Variants in TTLL8 observed in about 807,000 individuals in gnomAD.
The protein encoded by TTLL8 is tubulin tyrosine ligase like 8, also known as protein monoglycylase TTLL8.
TTLL8 carries 65 observed loss-of-function variants against 77.8 expected under a neutral mutation model. The observed-to-expected ratio is 0.84, with a 90% CI of 0.68 to 1.03. TTLL8 has a LOEUF of 1.03. Ranked by LOEUF, TTLL8 falls within the 50% of genes least tolerant of loss-of-function variation. The pLI is 0.00. For synonymous variants in TTLL8, 402 were observed against 422.8 expected, an observed-to-expected ratio of 0.95 and a Z score of 0.60; for missense variants, 910 against 1,004.5, an observed-to-expected ratio of 0.91 and a Z score of 1.27.
exon 12 of TTLL8, chr22:50,030,542 G>C (rs947501068): frequency 7.6e-7 from 1 of 1,323,066 alleles, no homozygotes; most frequent in Non-Finnish European, 1.0e-6. Flanking sequence ...TGGCGGGCTG[G>C]GCTACGGGGA....
chr22:50,043,306 G>T (rs529728465), intron 6 of TTLL8, among the ~76,000 whole-genome samples: 5 of 150,408 alleles, frequency 3.3e-5, no homozygotes, highest in Admixed American at 6.6e-5. Flanking sequence ...CAGTGGTGCC[G>T]ACATGTTCTT....
chr22:50,040,640 C>T (rs2061364987), intron 8 of TTLL8, among the ~76,000 whole-genome samples: 2 of 152,330 alleles, frequency 1.3e-5, no homozygotes, highest in South Asian at 4.1e-4. Context: ...TATGATTATA[C>T]ACTGTGTGCC....
intron 12 of TTLL8, among the ~76,000 whole-genome samples, 139 bp from the exon 14 acceptor site, chr22:50,018,930 G>A (rs1442548464): frequency 1.3e-5 from 2 of 152,228 alleles, no homozygotes; most frequent in African/African-American, 4.8e-5. Context: ...CAGGAAGAGT[G>A]AAGGGCAAAG....
At chr22:50,048,033 G>T (rs1017261302) in intron 3 of TTLL8, among the ~76,000 whole-genome samples, 1 of 152,070 alleles carries the variant, frequency 6.6e-6, no homozygotes, top group African/African-American at 2.4e-5. Flanking sequence ...GGAGGCAGAG[G>T]TTGCAGTGAG....
intron 3 of TTLL8, 96 bp downstream of exon 5, chr22:50,049,153 C>A (rs1375124935): frequency 1.5e-6 from 2 of 1,334,908 alleles, no homozygotes; most frequent in Non-Finnish European, 2.0e-6. Flanking sequence ...GGGCTGCCAT[C>A]CCCCCAGGAC....
upstream of TTLL8, chr22:50,057,034 G>A: frequency 1.7e-6 from 2 of 1,204,260 alleles, no homozygotes; most frequent in South Asian, 1.3e-5. Flanking sequence ...TCTGGGGATG[G>A]AGAGGGTTCT....
At position 50,041,507 on chromosome 22, in the gene TTLL8, G is replaced by A; in HGVS notation, c.830+114C>T. ...GCATCTCAACACTCAATACCCCACAGGTAGCCTAATGCCCAGACAGGTGAC... is the reference window on the plus strand; with the variant it reads ...GCATCTCAACACTCAATACCCCACAAGTAGCCTAATGCCCAGACAGGTGAC... On this transcript the variant is annotated intron_variant, in intron 7 of 13. Transcript: ENST00000266182. This position sits in a 1 kb window ranked among gnomAD's most constrained non-coding sequence, Gnocchi z 4.3. 8.2e-7 allele frequency: 1 copy of A among 1,216,940 alleles called. No homozygotes were observed. The highest frequency in any genetic ancestry group is 3.2e-4 in the Middle Eastern group (1 of 3,164). 75.4% of individuals were successfully genotyped at this position (1,216,940 alleles called of 1,614,324 possible).
rs1761986735 is a variant in TTLL8, at chr22:50,041,206, G to C, written c.902C>G (p.Pro301Arg). 1 of 461,498 alleles carries C rather than the reference G, an allele frequency of 2.2e-6. No individual in the cohort carries two copies. Among genetic ancestry groups the C allele is most frequent in the African/African-American group, 2.1e-5 (1 of 46,928 alleles). 28.6% of individuals were successfully genotyped at this position (461,498 alleles called of 1,614,324 possible). ...CCCCACCTGCCTGTCTCGGGCTGTG[G>C]GGGGCTCAAATGACATCATAACCTT... is the stretch of plus-strand genomic sequence containing the variant. Residue 301 changes from proline (P) to arginine (R), a missense_variant, in exon 8 of 14, where the codon CCC becomes CGC. Physicochemically the swap from Pro to Arg is moderately radical, Grantham distance 103. Around this residue, in one of 2 missense-constraint regions of TTLL8, gnomAD observed 776 missense variants for 926.1 expected, o/e 0.84. Coordinates refer to ENST00000266182, the Ensembl canonical transcript of TTLL8. This position sits in a 1 kb window ranked among gnomAD's most constrained non-coding sequence, Gnocchi z 4.3.
At position 50,026,768 on chromosome 22, in the gene TTLL8, G is replaced by A. The variant is rs141393902; in HGVS notation, c.2203+3662C>T. On this transcript the variant is annotated intron_variant, in intron 12 of 13. Coordinates refer to ENST00000266182, the Ensembl canonical transcript of TTLL8. ...AGGTAAGTCATACCTTCACAAGACCGTTTGGAAAGAGATACTATTTACTAG... is the reference window on the plus strand; with the variant it reads ...AGGTAAGTCATACCTTCACAAGACCATTTGGAAAGAGATACTATTTACTAG... Among the ~76,000 whole-genome samples, 1,008 of 152,282 alleles carry A rather than the reference G, an allele frequency of 6.6e-3. 10 individuals carry two copies. The highest frequency in any genetic ancestry group is 0.021 in the African/African-American group (882 of 41,564).
upstream of TTLL8, chr22:50,057,079 G>A: frequency 1.3e-6 from 1 of 779,460 alleles, no homozygotes; most frequent in South Asian, 1.5e-5. Context: ...TGGGGTTGGG[G>A]ATCAGCTCTG....
At chr22:50,023,675 C>T (rs941628813) in intron 12 of TTLL8, among the ~76,000 whole-genome samples, 1 of 149,918 alleles carries the variant, frequency 6.7e-6, no homozygotes, top group Non-Finnish European at 1.5e-5. Context: ...CAAAGCGAGA[C>T]TCCGTCTCAA....
intron 8 of TTLL8, among the ~76,000 whole-genome samples, chr22:50,037,224 A>G (rs1290281037): frequency 5.5e-5 from 8 of 144,968 alleles, no homozygotes; most frequent in Non-Finnish European, 1.2e-4. Context: ...TTTTTTTTTG[A>G]GACAGAGTCT....
rs533841623 is a variant in TTLL8, at chr22:50,050,126, T to C, written c.173A>G (p.Glu58Gly). Residue 58 changes from glutamate to glycine, a missense_variant, in exon 2 of 14, where the codon GAA becomes GGA. Coordinates refer to ENST00000266182, the Ensembl canonical transcript of TTLL8. ...TACGCTACCATTGACCCGGGCGCCT[T>C]CATCCTCGACATCCGGAATGACCTT... 4 of 1,367,166 alleles carry C rather than the reference T, an allele frequency of 2.9e-6. No homozygotes were observed. The East Asian group carries it at 1.8e-4, about 62-fold the overall frequency. The allele number at this position is 1,367,166 out of a possible 1,614,324, so 84.7% of individuals were successfully genotyped here.
At position 50,031,671 on chromosome 22, in the gene TTLL8, G is replaced by C. The variant is rs765819253; in HGVS notation, c.1707+15C>G. On this transcript the variant is annotated intron_variant, in intron 11 of 13. Transcript: ENST00000266182. Reference sequence around the variant, plus strand: ...CGGGCGGCCACCAAAGTCCCCAGGGGCGGGCGTGGCTCACCTGCCTCCACA... The same window carrying C: ...CGGGCGGCCACCAAAGTCCCCAGGGCCGGGCGTGGCTCACCTGCCTCCACA... 1 of 1,263,606 alleles carries C rather than the reference G, an allele frequency of 7.9e-7. No homozygotes were observed. Among genetic ancestry groups the C allele is most frequent in the Non-Finnish European group, 1.0e-6 (1 of 968,382 alleles). 78.3% of individuals were successfully genotyped at this position (1,263,606 alleles called of 1,614,324 possible). A position where few individuals can be genotyped will look rare whatever the true frequency, so the allele number is the denominator to read the frequency against.
Position 50,041,497 on chromosome 22 carries a change from A to ATACTT in TTLL8, c.830+123_830+124insAAGTA. ...GCCAGGACAGGCATCTCAACACTCA[A>ATACTT]TACCCCACAGGTAGCCTAATGCCCA... is the stretch of plus-strand genomic sequence containing the variant. On this transcript the variant is annotated intron_variant, in intron 7 of 13. Coordinates refer to ENST00000266182, the Ensembl canonical transcript of TTLL8. This position sits in a 1 kb window ranked among gnomAD's most constrained non-coding sequence, Gnocchi z 4.3. 1 of 1,212,614 alleles carries ATACTT rather than the reference A, an allele frequency of 8.2e-7. No homozygotes were observed. The highest frequency in any genetic ancestry group is 1.5e-5 in the South Asian group (1 of 65,480). 75.1% of individuals were successfully genotyped at this position (1,212,614 alleles called of 1,614,324 possible).
At chr22:50,039,461 G>C (rs1417649708) in intron 8 of TTLL8, among the ~76,000 whole-genome samples, 3 of 152,140 alleles carry the variant, frequency 2.0e-5, no homozygotes, top group Admixed American at 6.5e-5. Context: ...TAAATTTGAG[G>C]AAAAATTCTA....
intron 1 of TTLL8, among the ~76,000 whole-genome samples, chr22:50,054,171 G>A (rs1284854979): frequency 1.3e-5 from 2 of 152,176 alleles, no homozygotes; most frequent in African/African-American, 4.8e-5. Context: ...GATGACTTGG[G>A]GTTCCTCTGT....
intron 8 of TTLL8, among the ~76,000 whole-genome samples, chr22:50,038,495 C>T (rs1457791524): frequency 6.6e-6 from 1 of 152,078 alleles, no homozygotes; most frequent in Non-Finnish European, 1.5e-5. Context: ...AATATGTTAG[C>T]TGTTGGATTC....
chr22:50,034,143 C>T lies in TTLL8; in HGVS notation c.1039+202G>A. 3.5e-6 allele frequency: 1 copy of T among 285,252 alleles called. No homozygotes were observed. The highest frequency in any genetic ancestry group is 5.3e-6 in the Non-Finnish European group (1 of 189,858). The allele number at this position is 285,252 out of a possible 1,614,324, so 17.7% of individuals were successfully genotyped here. A position where few individuals can be genotyped will look rare whatever the true frequency, so the allele number is the denominator to read the frequency against. On this transcript the variant is annotated intron_variant, in intron 9 of 13. Coordinates refer to ENST00000266182, the Ensembl canonical transcript of TTLL8. The surrounding 1 kb of genome is among the most constrained non-coding windows in gnomAD (Gnocchi z 4.1). ...ATTAACCCATCAACCCGGATCCTGC[C>T]CTGTGATCGGAACACATGCTGTGAA...
Sources: gnomAD v4.1 joint callset for allele counts (sites outside exome capture counted in the v4.1 genomes callset) on GRCh38, gnomAD v4.1.1 for gene constraint, gnomAD v4.1.1 regional missense constraint, Gnocchi (gnomAD v3.1) non-coding constraint, MANE v1.5 for transcripts, NCBI Gene and HGNC (gene_info 2026-07-23, HGNC 2026-07-21) for gene names.